FAM13A: variants seen among roughly 807,000 people sequenced by gnomAD.
The protein encoded by FAM13A is family with sequence similarity 13 member A.
FAM13A carries 76 observed loss-of-function variants against 129.6 expected under a neutral mutation model. That is an observed-to-expected ratio of 0.59 (90% CI 0.49 to 0.71). The LOEUF is 0.71. FAM13A is among the 30% of genes least tolerant of loss of function. FAM13A has a pLI of 0.00. For missense variants in FAM13A, 1,108 were observed against 1,249.3 expected, an observed-to-expected ratio of 0.89 and a Z score of 1.70; for synonymous variants, 443 against 449.9, an observed-to-expected ratio of 0.98 and a Z score of 0.20.
intron 4 of FAM13A, among the ~76,000 whole-genome samples, chr4:88,965,854 T>C (rs1012070318): frequency 4.6e-5 from 7 of 152,222 alleles, no homozygotes; most frequent in Non-Finnish European, 8.8e-5. Context: ...GAGCATAACG[T>C]CGGCAAGGTT....
chr4:89,002,068 G>A (rs1473085805), intron 3 of FAM13A, among the ~76,000 whole-genome samples: 4 of 149,336 alleles, frequency 2.7e-5, no homozygotes, highest in African/African-American at 7.4e-5. Context: ...AGGCAAGGGA[G>A]AATTTCCATT....
Position 88,897,393 on chromosome 4 carries a change from C to T in FAM13A, c.843+8986G>A, listed in dbSNP as rs114745095. The stretch of plus-strand genomic sequence containing the variant: ...GATGTATCATCTTTTTCATCCTGGA[C>T]TCAAATTAAGATGTGGCTTTCCTAC... On this transcript the variant is annotated intron_variant, in intron 6 of 23. Transcript: ENST00000264344. Among the ~76,000 whole-genome samples the T allele has an allele frequency of 2.9e-3, 444 of 152,232 alleles. 3 individuals carry two copies. Among genetic ancestry groups the T allele is most frequent in the African/African-American group, 9.8e-3 (407 of 41,552 alleles).
intron 6 of FAM13A, among the ~76,000 whole-genome samples, chr4:88,896,551 T>G (rs1275445950): frequency 1.3e-5 from 2 of 152,242 alleles, no homozygotes; most frequent in African/African-American, 2.4e-5. Context: ...GCACAGGCAT[T>G]TTTAAAAACA....
At chr4:88,984,597 T>C (rs1349209554) in intron 4 of FAM13A, among the ~76,000 whole-genome samples, 2 of 152,076 alleles carry the variant, frequency 1.3e-5, no homozygotes, top group Non-Finnish European at 1.5e-5. Flanking sequence ...TAGTGTTTCA[T>C]ACCCACAGGA....
Position 88,836,884 on chromosome 4 carries a change from C to T in FAM13A, c.1007+14136G>A, listed in dbSNP as rs1028127112. 3.3e-5 allele frequency among the ~76,000 whole-genome samples: 5 copies of T among 151,654 alleles called. 1 individual carries two copies. The highest frequency in any genetic ancestry group is 2.0e-4 in the East Asian group (1 of 5,092). On this transcript the variant is annotated intron_variant, in intron 7 of 23. Transcript: ENST00000264344. ...CTGAGGCAGGAGAATCACTTGAACC[C>T]GGGAGGTGGAGGTTGCAGAGGGCCG...
chr4:88,755,493 A>G (rs1329844669), intron 14 of FAM13A, among the ~76,000 whole-genome samples: 1 of 152,212 alleles, frequency 6.6e-6, no homozygotes, highest in East Asian at 1.9e-4. Flanking sequence ...CGCAAAGCTG[A>G]TAAGCAGCAG....
intron 7 of FAM13A, among the ~76,000 whole-genome samples, chr4:88,824,938 C>A (rs1207761185): frequency 6.6e-6 from 1 of 152,014 alleles, no homozygotes; most frequent in Non-Finnish European, 1.5e-5. Flanking sequence ...GAACTCCTGA[C>A]CTCAGGTGAT....
chr4:88,789,270 T>G (rs1724613975), intron 9 of FAM13A, among the ~76,000 whole-genome samples: 1 of 152,196 alleles, frequency 6.6e-6, no homozygotes. Flanking sequence ...GTGCAGTTCT[T>G]GAATATCTTT....
chr4:88,876,838 G>A (rs563582936), intron 6 of FAM13A, among the ~76,000 whole-genome samples: 4 of 152,210 alleles, frequency 2.6e-5, no homozygotes, highest in South Asian at 4.1e-4. Context: ...TGATCCACCC[G>A]CCTCAGCCTC....
intron 1 of FAM13A, among the ~76,000 whole-genome samples, chr4:89,040,900 C>T (rs773618450): frequency 1.2e-4 from 19 of 152,180 alleles, no homozygotes; most frequent in African/African-American, 1.7e-4. Flanking sequence ...CAGAGGAACA[C>T]GGAAGGACTA....
At chr4:88,789,271 G>C (rs554024648) in intron 9 of FAM13A, among the ~76,000 whole-genome samples, 1 of 152,142 alleles carries the variant, frequency 6.6e-6, no homozygotes, top group African/African-American at 2.4e-5. Flanking sequence ...TGCAGTTCTT[G>C]AATATCTTTG....
chr4:88,887,530 C>CTTTTTTTT (rs33953927), intron 6 of FAM13A, among the ~76,000 whole-genome samples: 2 of 128,756 alleles, frequency 1.6e-5, no homozygotes, highest in Non-Finnish European at 1.7e-5. Context: ...ACCTTTCTTT[C>CTTTTTTTT]TTTCTTTTTT....
intron 8 of FAM13A, among the ~76,000 whole-genome samples, chr4:88,793,335 C>T (rs1725540829): frequency 6.6e-6 from 1 of 151,878 alleles, no homozygotes; most frequent in African/African-American, 2.4e-5. Context: ...GAGCACATTT[C>T]TCAGAGTACA....
At chr4:88,850,481 C>T (rs916264226) in intron 7 of FAM13A, among the ~76,000 whole-genome samples, 4 of 151,964 alleles carry the variant, frequency 2.6e-5, no homozygotes, top group Non-Finnish European at 4.4e-5. Context: ...TGCTTGAATC[C>T]AGGAGGTGGA....
At chr4:88,777,637 G>A (rs1722034589) in intron 11 of FAM13A, among the ~76,000 whole-genome samples, 1 of 152,204 alleles carries the variant, frequency 6.6e-6, no homozygotes, top group Non-Finnish European at 1.5e-5. Context: ...AAAGGAGCCA[G>A]ATAGTTCCCA....
At chr4:89,005,597 A>T (rs983507993) in intron 3 of FAM13A, among the ~76,000 whole-genome samples, 1 of 152,142 alleles carries the variant, frequency 6.6e-6, no homozygotes, top group African/African-American at 2.4e-5. Flanking sequence ...TTGACTTCTT[A>T]GTAATAGCCA....
intron 4 of FAM13A, 83 bp from the exon 5 acceptor site, chr4:88,938,324 T>C: frequency 9.2e-7 from 1 of 1,081,940 alleles, no homozygotes; most frequent in Non-Finnish European, 1.3e-6. Flanking sequence ...TATTTTGAAA[T>C]CTCCTGAATA....
chr4:88,738,007 AAAC>A (rs1476464266), intron 20 of FAM13A, among the ~76,000 whole-genome samples: 2 of 152,216 alleles, frequency 1.3e-5, no homozygotes, highest in Admixed American at 6.5e-5. Context: ...TGGAGAATGA[AAAC>A]AACTCCTTAG....
At chr4:88,973,648 T>G (rs1309213583) in intron 4 of FAM13A, among the ~76,000 whole-genome samples, 1 of 152,228 alleles carries the variant, frequency 6.6e-6, no homozygotes, top group Admixed American at 6.5e-5. Flanking sequence ...CTGATTTTGA[T>G]GCTTGCTCTG....
Sources: allele counts gnomAD v4.1 joint callset (sites outside exome capture counted in the v4.1 genomes callset), GRCh38; gene constraint gnomAD v4.1.1; transcripts MANE v1.5; gene names NCBI Gene and HGNC (gene_info 2026-07-23, HGNC 2026-07-21).